Variants in ZNF75A observed in about 807,000 individuals in gnomAD.
The protein encoded by ZNF75A is zinc finger protein 75A.
Under a neutral mutation model 46.3 loss-of-function variants are expected in ZNF75A, and 36 were observed. The observed-to-expected ratio is 0.78, with a 90% CI of 0.60 to 1.03. ZNF75A has a LOEUF of 1.03. ZNF75A is among the 50% of genes least tolerant of loss of function. The pLI, the probability that ZNF75A is intolerant of heterozygous loss-of-function variation, is 0.00. For missense variants in ZNF75A, 595 were observed against 551.3 expected (o/e 1.08, Z -0.79); for synonymous variants, 234 against 189.9 (o/e 1.23, Z -1.91).
Position 3,306,711 on chromosome 16 carries a change from C to CA in ZNF75A, c.-117+1079dup, listed in dbSNP as rs527636756. The CA allele has an allele frequency of 7.3e-3, 983 of 134,488 alleles. 10 individuals carry two copies. The highest frequency in any genetic ancestry group is 0.023 in the African/African-American group (800 of 34,888). 8.3% of individuals were successfully genotyped at this position (134,488 alleles called of 1,614,324 possible). ...TGGGTGACAGGGCGAGACTCCATCTCAAAAAAAAAAACAAAATTCGTATAA... is the reference window on the plus strand; with the variant it reads ...TGGGTGACAGGGCGAGACTCCATCTCAAAAAAAAAAAACAAAATTCGTATAA... On this transcript the variant is annotated intron_variant, in intron 1 of 6. Coordinates refer to ENST00000669516, the MANE Select transcript of ZNF75A (RefSeq NM_001302109.2).
chr16:3,313,309 G>A, intron 5 of ZNF75A, 134 bp downstream of exon 5: 1 of 857,280 alleles, frequency 1.2e-6, no homozygotes, highest in South Asian at 1.8e-5. Flanking sequence ...GGAGGGTGTA[G>A]GTAGTGTATC....
At chr16:3,320,243 A>G (rs1015281643), downstream of ZNF75A, among the ~76,000 whole-genome samples, 2 of 152,030 alleles carry the variant, frequency 1.3e-5, no homozygotes, top group African/African-American at 4.8e-5. Flanking sequence ...ATGGGGTTTC[A>G]CCTTGTTAGC....
chr16:3,306,221 C>T (rs1460735593), intron 1 of ZNF75A: 2 of 152,110 alleles, frequency 1.3e-5, no homozygotes, highest in African/African-American at 2.4e-5. Context: ...GTCTAAATGA[C>T]CTTTGGAGAA....
intron 4 of ZNF75A, 89 bp from the exon 5 acceptor site, chr16:3,312,960 C>A: frequency 2.7e-6 from 4 of 1,454,822 alleles, no homozygotes; most frequent in Non-Finnish European, 3.7e-6. Context: ...TCTTTTAATT[C>A]CTTTATCGCC....
chr16:3,319,155 T>G (rs1038700252), downstream of ZNF75A, among the ~76,000 whole-genome samples: 2 of 152,136 alleles, frequency 1.3e-5, no homozygotes, highest in African/African-American at 4.8e-5. Context: ...CTCTTGTCAC[T>G]CAGGCTGGAG....
intron 5 of ZNF75A, among the ~76,000 whole-genome samples, chr16:3,314,298 C>T (rs1961033580): frequency 6.6e-6 from 1 of 152,146 alleles, no homozygotes; most frequent in Admixed American, 6.5e-5. Flanking sequence ...GGCTCTTTTC[C>T]ACCCACAGCT....
rs1349080678 is a variant in ZNF75A at position 3,318,490 on chromosome 16, A to G, written c.*621A>G. The G allele has an allele frequency of 7.3e-5, 72 of 985,290 alleles. No homozygotes were observed. The highest frequency in any genetic ancestry group is 8.1e-5 in the Non-Finnish European group (67 of 829,926). 61.0% of individuals were successfully genotyped at this position (985,290 alleles called of 1,614,324 possible). ...AATAGAAGACATCTCTAATGGAATCATGGGGGAAACGGGTTGGAATTTGTA... is the reference window on the plus strand; with the variant it reads ...AATAGAAGACATCTCTAATGGAATCGTGGGGGAAACGGGTTGGAATTTGTA... On this transcript the variant is annotated 3_prime_UTR_variant, in exon 7 of 7. Coordinates refer to ENST00000669516, the MANE Select transcript of ZNF75A (RefSeq NM_001302109.2).
intron 2 of ZNF75A, chr16:3,309,451 C>CAAAAAAAAAAAAACAAAAAAAAAA (rs1960548016): frequency 8.9e-6 from 1 of 112,352 alleles, no homozygotes. Context: ...CTCCATCTCA[C>CAAAAAAAAAAAAACAAAAAAAAAA]AAAAAAAAAA....
chr16:3,321,816 A>C (rs1169805193), downstream of ZNF75A, among the ~76,000 whole-genome samples: 1 of 152,184 alleles, frequency 6.6e-6, no homozygotes, highest in Non-Finnish European at 1.5e-5. Context: ...GCTTAGAATC[A>C]AAGTAAATCT....
chr16:3,316,749 A>G (rs891014214), intron 5 of ZNF75A, 163 bp from the exon 6 acceptor site: 9 of 554,132 alleles, frequency 1.6e-5, no homozygotes, highest in East Asian at 3.0e-5. Context: ...ACCTATAAGT[A>G]TAACATAGTA....
intron 5 of ZNF75A, chr16:3,315,165 C>A: frequency 1.3e-5 from 9 of 697,084 alleles, no homozygotes; most frequent in South Asian, 6.5e-5. Context: ...TCCAGTTGCT[C>A]AGGGCAAACA....
rs193048830 is a variant in ZNF75A at position 3,310,690 on chromosome 16, A to G, written c.409-1063A>G. 9.8e-5 allele frequency: 97 copies of G among 985,642 alleles called. No homozygotes were observed. In the African/African-American group the frequency reaches 1.5e-3, roughly 15 times the overall value. The allele number at this position is 985,642 out of a possible 1,614,324, so 61.1% of individuals were successfully genotyped here. ...GACTGCACAAGAAAAGAAAACATAG[A>G]AAAAAGGGAAACAAAGATTTGGAAA... On this transcript the variant is annotated intron_variant, in intron 2 of 6. Transcript: ENST00000669516.
chr16:3,322,414 A>G (rs1269583792), downstream of ZNF75A, among the ~76,000 whole-genome samples: 1 of 152,330 alleles, frequency 6.6e-6, no homozygotes, highest in East Asian at 1.9e-4. Flanking sequence ...GGCTGTACTG[A>G]AATGCCTTCT....
chr16:3,313,037 TCTC>T lies in ZNF75A; in HGVS notation c.697-11_697-9del. 6.2e-7 allele frequency: 1 copy of T among 1,608,582 alleles called. No homozygotes were observed. Among genetic ancestry groups the T allele is most frequent in the Non-Finnish European group, 8.5e-7 (1 of 1,177,032 alleles). Reference sequence around the variant, plus strand: ...TGGCAGGTTCTGAGCTGAAGTCCATTCTCTTCTTTAGAGCTTGTTGACATTTGA... The same window carrying T: ...TGGCAGGTTCTGAGCTGAAGTCCATTTTCTTTAGAGCTTGTTGACATTTGA... On this transcript the variant is annotated splice_polypyrimidine_tract_variant and intron_variant, in intron 4 of 6. Coordinates refer to ENST00000669516, the MANE Select transcript of ZNF75A (RefSeq NM_001302109.2).
At chr16:3,316,765 G>A (rs903769762) in intron 5 of ZNF75A, 147 bp from the exon 6 acceptor site, 7 of 596,446 alleles carry the variant, frequency 1.2e-5, no homozygotes, top group South Asian at 4.2e-5. Context: ...TAGTATAAAC[G>A]TGATACTTAA....
At chr16:3,305,955 C>T (rs1439330136) in intron 1 of ZNF75A, 2 of 152,232 alleles carry the variant, frequency 1.3e-5, no homozygotes, top group African/African-American at 4.8e-5. Flanking sequence ...CAGCTGCGCC[C>T]GCAGACTCTT....
chr16:3,306,828 T>A (rs1225173440), intron 1 of ZNF75A: 2 of 152,340 alleles, frequency 1.3e-5, no homozygotes, highest in African/African-American at 4.8e-5. Flanking sequence ...TAGGCTACTT[T>A]TTTACTTTCT....
At chr16:3,314,640 C>T (rs539331212) in intron 5 of ZNF75A, 15 of 983,174 alleles carry the variant, frequency 1.5e-5, no homozygotes, top group Admixed American at 1.2e-4. Context: ...TTTCTTAAAT[C>T]GTATTCTGTT....
chr16:3,321,419 G>T (rs903541075), downstream of ZNF75A, among the ~76,000 whole-genome samples: 1 of 152,112 alleles, frequency 6.6e-6, no homozygotes, highest in African/African-American at 2.4e-5. Flanking sequence ...TTCAGTGCTG[G>T]GACCATCCCA....
Sources: gnomAD v4.1 joint callset for allele counts (sites outside exome capture counted in the v4.1 genomes callset) on GRCh38, gnomAD v4.1.1 for gene constraint, MANE v1.5 for transcripts, NCBI Gene and HGNC (gene_info 2026-07-23, HGNC 2026-07-21) for gene names.